The following TEAD1 variants were observed in gnomAD, a reference collection of about 807,000 sequenced individuals.
TEAD1 encodes TEA domain transcription factor 1.
TEAD1 carries 9 observed loss-of-function variants against 54.9 expected under a neutral mutation model. The ratio of observed to expected loss-of-function variants is 0.16; its 90% CI spans 0.10 to 0.29. The LOEUF (loss-of-function observed/expected upper bound fraction) is 0.29. Ranked by LOEUF, TEAD1 falls within the 10% of genes least tolerant of loss-of-function variation. The probability of loss-of-function intolerance (pLI) is 1.00; values close to 1 mark genes in which losing one functional copy is unlikely to be tolerated. For synonymous variants in TEAD1, 200 were observed against 187.8 expected (o/e 1.07, Z -0.53); for missense variants, 387 against 535.9 (o/e 0.72, Z 2.74).
intron 3 of TEAD1, among the ~76,000 whole-genome samples, chr11:12,838,575 C>T (rs1462149696): frequency 2.6e-5 from 4 of 152,134 alleles, no homozygotes; most frequent in African/African-American, 9.7e-5. Flanking sequence ...TTAAGTAAAA[C>T]GTTCATGTAA....
At chr11:12,764,546 T>C (rs1289662919) in intron 3 of TEAD1, 112 bp downstream of exon 3, 3 of 1,292,634 alleles carry the variant, frequency 2.3e-6, no homozygotes, top group Non-Finnish European at 3.3e-6. Flanking sequence ...TTGAGTGATA[T>C]TTGTAGAATT....
At chr11:12,832,064 C>G (rs1786362708) in intron 3 of TEAD1, among the ~76,000 whole-genome samples, 1 of 152,188 alleles carries the variant, frequency 6.6e-6, no homozygotes, top group Non-Finnish European at 1.5e-5. Flanking sequence ...CACCACGTCT[C>G]TGACTCCCAA....
chr11:12,910,363 AG>A (rs1378567615), intron 10 of TEAD1, among the ~76,000 whole-genome samples: 1 of 152,236 alleles, frequency 6.6e-6, no homozygotes, highest in African/African-American at 2.4e-5. Flanking sequence ...ATAATGTTCA[AG>A]GGTGTCAAGA....
At chr11:12,677,823 A>T (rs1378292263) in intron 2 of TEAD1, among the ~76,000 whole-genome samples, 1 of 152,206 alleles carries the variant, frequency 6.6e-6, no homozygotes, top group Non-Finnish European at 1.5e-5. Context: ...GATCTCTCAT[A>T]CGTGGTGGTC....
intron 2 of TEAD1, among the ~76,000 whole-genome samples, chr11:12,730,563 C>T (rs976254075): frequency 4.6e-5 from 7 of 151,050 alleles, no homozygotes; most frequent in South Asian, 2.1e-4. Flanking sequence ...TCTAGAGCAG[C>T]GATGGCTCAA....
At chr11:12,746,445 A>G (rs953913938) in intron 2 of TEAD1, among the ~76,000 whole-genome samples, 5 of 152,182 alleles carry the variant, frequency 3.3e-5, no homozygotes, top group African/African-American at 1.2e-4. Context: ...ACTAAAGAAA[A>G]CTTCATCCCC....
intron 3 of TEAD1, among the ~76,000 whole-genome samples, chr11:12,814,775 CTCTGTGTG>C (rs1442716418): frequency 0.015 from 2,063 of 142,228 alleles, 52 homozygotes; most frequent in Middle Eastern, 0.031. Context: ...CATCGCAGAG[CTCTGTGTG>C]TGTGTGTGTG....
At chr11:12,911,099 T>A (rs1035051789) in intron 10 of TEAD1, among the ~76,000 whole-genome samples, 25 of 152,152 alleles carry the variant, frequency 1.6e-4, no homozygotes, top group African/African-American at 6.0e-4. Context: ...AAGCCTACTT[T>A]TACTAACCAT....
At chr11:12,903,701 A>G (rs1426382801) in intron 10 of TEAD1, among the ~76,000 whole-genome samples, 1 of 152,136 alleles carries the variant, frequency 6.6e-6, no homozygotes, top group African/African-American at 2.4e-5. Flanking sequence ...AGTCTGAGCT[A>G]CTCAGGAGGC....
At position 12,696,910 on chromosome 11, in the gene TEAD1, A is replaced by G. The variant is rs1464740086; in HGVS notation, c.-55+21349A>G. Among the ~76,000 whole-genome samples, 3 of 152,094 alleles carry G rather than the reference A, an allele frequency of 2.0e-5. No individual in the cohort carries two copies. The East Asian group carries it at 5.8e-4, about 29-fold the overall frequency. The stretch of plus-strand genomic sequence containing the variant: ...ACTCCGGTTCCTGGACTGTCTAGCT[A>G]ACTGGGGAACAAGAAGGGCTACCCA... On this transcript the variant is annotated intron_variant, in intron 2 of 12. Coordinates refer to ENST00000527636, the MANE Select transcript of TEAD1 (RefSeq NM_021961.6).
intron 2 of TEAD1, among the ~76,000 whole-genome samples, chr11:12,683,840 G>A (rs1943275968): frequency 6.6e-6 from 1 of 152,104 alleles, no homozygotes; most frequent in Non-Finnish European, 1.5e-5. Context: ...GATAATGTGG[G>A]TTCAAAATCA....
chr11:12,778,891 TAGG>T (rs1385196890), intron 3 of TEAD1, among the ~76,000 whole-genome samples: 2 of 152,126 alleles, frequency 1.3e-5, no homozygotes, highest in Admixed American at 1.3e-4. Flanking sequence ...AAACAAAACT[TAGG>T]AGAATTAAGT....
chr11:12,722,641 CTCTCTT>C (rs1480769519), intron 2 of TEAD1, among the ~76,000 whole-genome samples: 2 of 144,550 alleles, frequency 1.4e-5, no homozygotes, highest in Non-Finnish European at 3.0e-5. Flanking sequence ...TGTGATTTCT[CTCTCTT>C]TCTTTTTTTT....
intron 3 of TEAD1, among the ~76,000 whole-genome samples, chr11:12,771,845 T>C (rs1945317460): frequency 6.6e-6 from 1 of 152,056 alleles, no homozygotes; most frequent in Non-Finnish European, 1.5e-5. Flanking sequence ...GAGAGTAAAG[T>C]GATTGCCTTT....
intron 5 of TEAD1, among the ~76,000 whole-genome samples, chr11:12,873,268 G>A (rs1947791045): frequency 6.6e-6 from 1 of 152,200 alleles, no homozygotes; most frequent in Admixed American, 6.5e-5. Context: ...AGAAAAGGGG[G>A]CTGAGGTCAG....
At chr11:12,887,436 G>A (rs1473981553) in intron 9 of TEAD1, among the ~76,000 whole-genome samples, 1 of 152,218 alleles carries the variant, frequency 6.6e-6, no homozygotes, top group African/African-American at 2.4e-5. Context: ...TAGTGGACAT[G>A]TGAGGGCCTG....
chr11:12,790,177 C>T (rs543177064), intron 3 of TEAD1, among the ~76,000 whole-genome samples: 1 of 152,328 alleles, frequency 6.6e-6, no homozygotes, highest in South Asian at 2.1e-4. Context: ...GCCGTGCTAC[C>T]TACAGTGCCT....
At chr11:12,710,614 G>A (rs1416280950) in intron 2 of TEAD1, among the ~76,000 whole-genome samples, 10 of 152,134 alleles carry the variant, frequency 6.6e-5, no homozygotes, top group African/African-American at 2.4e-4. Flanking sequence ...ATTTAATCAA[G>A]AGCAAGCACT....
intron 8 of TEAD1, among the ~76,000 whole-genome samples, chr11:12,882,210 T>G (rs543220644): frequency 2.0e-5 from 3 of 152,184 alleles, no homozygotes; most frequent in Non-Finnish European, 4.4e-5. Flanking sequence ...CTGAAGACGC[T>G]GGATTATCCT....
Sources: allele counts gnomAD v4.1 joint callset (sites outside exome capture counted in the v4.1 genomes callset), GRCh38; gene constraint gnomAD v4.1.1; transcripts MANE v1.5; gene names NCBI Gene and HGNC (gene_info 2026-07-23, HGNC 2026-07-21).